The following PTPRN2 variants were observed in gnomAD, a reference collection of about 807,000 sequenced individuals.
PTPRN2 encodes the protein protein tyrosine phosphatase receptor type N2, also known as receptor-type tyrosine-protein phosphatase N2.
In PTPRN2, 74 loss-of-function variants were observed where a neutral mutation model predicts 118.8. The observed-to-expected ratio is 0.62, with a 90% confidence interval of 0.52 to 0.76. PTPRN2 has a LOEUF of 0.76. Among genes scored for constraint, PTPRN2 ranks in the 30% least tolerant of loss-of-function variants. The pLI, the probability that PTPRN2 is intolerant of heterozygous loss-of-function variation, is 0.00. For missense variants in PTPRN2, 1,481 were observed against 1,394.4 expected, an observed-to-expected ratio of 1.06 and a Z score of -0.99; for synonymous variants, 641 against 608.0, an observed-to-expected ratio of 1.05 and a Z score of -0.80.
At chr7:158,222,587 G>A (rs1828453093) in intron 3 of PTPRN2, among the ~76,000 whole-genome samples, 1 of 152,174 alleles carries the variant, frequency 6.6e-6, no homozygotes, top group Non-Finnish European at 1.5e-5. Flanking sequence ...CAGAGGGTGG[G>A]AGGAAGACGT....
At chr7:157,821,604 T>C (rs544032164) in intron 12 of PTPRN2, among the ~76,000 whole-genome samples, 87 of 152,214 alleles carry the variant, frequency 5.7e-4, no homozygotes, top group African/African-American at 2.0e-3. Flanking sequence ...TGATGAGGAT[T>C]GAAGAGTGGC....
intron 6 of PTPRN2, among the ~76,000 whole-genome samples, chr7:158,146,059 CT>C (rs917829789): frequency 3.7e-5 from 4 of 106,814 alleles, no homozygotes; most frequent in African/African-American, 1.2e-4. Flanking sequence ...GTTTTCCACT[CT>C]TTTCCCCCTT....
chr7:157,782,166 C>A (rs1203675800), intron 12 of PTPRN2, among the ~76,000 whole-genome samples: 1 of 152,264 alleles, frequency 6.6e-6, no homozygotes, highest in African/African-American at 2.4e-5. Context: ...GGACCGTAGA[C>A]CCCATGCTGA....
In PTPRN2 at chr7:158,090,100, AT is replaced by A. The variant is rs1266636864; in HGVS notation, c.1644-8724del. Among the ~76,000 whole-genome samples the A allele has an allele frequency of 4.2e-4, 51 of 121,200 alleles. 15 individuals are homozygous for A. The highest frequency in any genetic ancestry group is 1.6e-3 in the African/African-American group (46 of 29,308). 79.5% of individuals were successfully genotyped at this position (121,200 alleles called of 152,430 possible). A position where few individuals can be genotyped will look rare whatever the true frequency, so the allele number is the denominator to read the frequency against. ...GATGAAAGAGGGGGTCTTCACACAC[AT>A]CCTTCTTCCCCTGACAAAAGAGGGA... On this transcript the variant is annotated intron_variant, in intron 10 of 22. Coordinates refer to ENST00000389418, the MANE Select transcript of PTPRN2 (RefSeq NM_002847.5).
chr7:157,993,630 C>T (rs1028181289), intron 11 of PTPRN2, among the ~76,000 whole-genome samples: 15 of 152,230 alleles, frequency 9.9e-5, no homozygotes, highest in Admixed American at 5.2e-4. Context: ...CCTGAGTCCC[C>T]GCCCTGGCTC....
chr7:158,502,434 C>A (rs879624771), intron 1 of PTPRN2, among the ~76,000 whole-genome samples: 1 of 152,178 alleles, frequency 6.6e-6, no homozygotes, highest in Non-Finnish European at 1.5e-5. Context: ...AAGACAGGTG[C>A]CCACCAGAAC....
chr7:158,115,988 T>C (rs1488081538), intron 9 of PTPRN2, among the ~76,000 whole-genome samples: 30 of 152,092 alleles, frequency 2.0e-4, no homozygotes, highest in Admixed American at 2.0e-3. Flanking sequence ...ACTGGGAACT[T>C]GAGTTTTATA....
chr7:158,584,073 A>C (rs1828789950), intron 1 of PTPRN2, among the ~76,000 whole-genome samples: 1 of 152,176 alleles, frequency 6.6e-6, no homozygotes, highest in South Asian at 2.1e-4. Context: ...CGGAAGGCCA[A>C]AACAAAGGAG....
chr7:158,155,843 T>C (rs944224622), intron 6 of PTPRN2, among the ~76,000 whole-genome samples: 2 of 146,090 alleles, frequency 1.4e-5, no homozygotes, highest in Non-Finnish European at 1.5e-5. Flanking sequence ...TCATGGGGAA[T>C]GGACTGTGCT....
intron 1 of PTPRN2, among the ~76,000 whole-genome samples, chr7:158,503,366 G>A (rs1296976025): frequency 6.6e-6 from 1 of 152,228 alleles, no homozygotes; most frequent in Non-Finnish European, 1.5e-5. Context: ...TGTGTACCAT[G>A]TGCAGGTTTA....
intron 14 of PTPRN2, among the ~76,000 whole-genome samples, chr7:157,642,776 C>T (rs1312874869): frequency 7.9e-6 from 1 of 125,966 alleles, no homozygotes; most frequent in Non-Finnish European, 1.6e-5. Context: ...ATGCCCCATT[C>T]ACACACTATA....
At chr7:157,614,722 G>A (rs1802643443) in intron 15 of PTPRN2, among the ~76,000 whole-genome samples, 1 of 152,166 alleles carries the variant, frequency 6.6e-6, no homozygotes, top group African/African-American at 2.4e-5. Context: ...GTAAGTGAAG[G>A]TGAGGTCCTG....
chr7:158,448,260 T>C (rs1817863247), intron 2 of PTPRN2, among the ~76,000 whole-genome samples: 1 of 152,236 alleles, frequency 6.6e-6, no homozygotes, highest in Non-Finnish European at 1.5e-5. Context: ...TGGAAGGATA[T>C]AAATCAGAAC....
At position 158,525,408 on chromosome 7, in the gene PTPRN2, C is replaced by T. The variant is rs1824698283; in HGVS notation, c.113-35623G>A. Among the ~76,000 whole-genome samples, 1 of 152,180 alleles carries T rather than the reference C, an allele frequency of 6.6e-6. No individual in the cohort carries two copies. Among genetic ancestry groups the T allele is most frequent in the Non-Finnish European group, 1.5e-5 (1 of 68,028 alleles). On this transcript the variant is annotated intron_variant, in intron 1 of 22. Coordinates refer to ENST00000389418, the MANE Select transcript of PTPRN2 (RefSeq NM_002847.5). The surrounding 1 kb of genome is among the most constrained non-coding windows in gnomAD (Gnocchi z 4.1). ...CATGGGCTACGCACGGGCCAGGTTT[C>T]CAGCCTGCCAGCCCCATCCAGACTT...
chr7:157,900,431 G>C lies in PTPRN2; in HGVS notation c.1724-1694C>G, dbSNP rs111371746. 3.9e-3 allele frequency among the ~76,000 whole-genome samples: 589 copies of C among 152,356 alleles called. 3 individuals carry two copies. The highest frequency in any genetic ancestry group is 0.013 in the African/African-American group (551 of 41,582). On this transcript the variant is annotated intron_variant, in intron 11 of 22. Transcript: ENST00000389418. ...CTGTGCCCAGGGTGTCACGAGCAGT[G>C]AGTCTAAGGGTGTCTGTCCATCCTT...
In PTPRN2 at chr7:157,682,777, T is replaced by G; in HGVS notation, c.1949A>C (p.Lys650Thr). Residue 650 changes from lysine (K) to threonine (T), a missense_variant, in exon 13 of 23, where the codon AAG (lysine) becomes ACG (threonine). By Grantham distance (78) the Lys-to-Thr change is moderately conservative (BLOSUM62 -1). This residue lies in a region of PTPRN2 where 1,115 missense variants were observed against 994.2 expected (regional missense o/e 1.12). Transcript: ENST00000389418. ...TGGGTCGCCCCCTAGTCCCGAGAGCTTCTCCTTCAGCCTGTGCTGAGAGCT... is the reference window on the plus strand; with the variant it reads ...TGGGTCGCCCCCTAGTCCCGAGAGCGTCTCCTTCAGCCTGTGCTGAGAGCT... ...RHSSQHRLKE[K>T]LSGLGGDPGA... The G allele has an allele frequency of 2.5e-6, 4 of 1,614,122 alleles. No homozygotes were observed. The highest frequency in any genetic ancestry group is 3.4e-6 in the Non-Finnish European group (4 of 1,180,036).
At chr7:157,836,613 C>CACAT (rs1807948781) in intron 12 of PTPRN2, among the ~76,000 whole-genome samples, 1 of 151,094 alleles carries the variant, frequency 6.6e-6, no homozygotes. Flanking sequence ...AAAATAAAGA[C>CACAT]ACACACACAC....
chr7:158,473,336 C>T (rs934964706), intron 2 of PTPRN2, among the ~76,000 whole-genome samples: 4 of 152,234 alleles, frequency 2.6e-5, no homozygotes, highest in African/African-American at 9.6e-5. Flanking sequence ...TGAAGCTCTT[C>T]CTGCCATAAG....
rs1378988657 is a variant in PTPRN2 at position 158,509,830 on chromosome 7, C to G, written c.113-20045G>C. 6.6e-6 allele frequency among the ~76,000 whole-genome samples: 1 copy of G among 152,176 alleles called. No homozygotes were observed. The highest frequency in any genetic ancestry group is 1.5e-5 in the Non-Finnish European group (1 of 68,038). On this transcript the variant is annotated intron_variant, in intron 1 of 22. Coordinates refer to ENST00000389418, the MANE Select transcript of PTPRN2 (RefSeq NM_002847.5). This position sits in a 1 kb window ranked among gnomAD's most constrained non-coding sequence, Gnocchi z 4.4. ...TGACTTGCAGTGCTCTGTTCCATGG[C>G]CGAGAGGGCTGTAAGTGATTTGGTG...
Sources: allele counts gnomAD v4.1 joint callset (sites outside exome capture counted in the v4.1 genomes callset), GRCh38; gene constraint gnomAD v4.1.1; regional missense constraint gnomAD v4.1.1; non-coding constraint Gnocchi (gnomAD v3.1); transcripts MANE v1.5; gene names NCBI Gene and HGNC (gene_info 2026-07-23, HGNC 2026-07-21).